ASGR2: variants seen among roughly 807,000 people sequenced by gnomAD.
The protein encoded by ASGR2 is asialoglycoprotein receptor 2.
Under a neutral mutation model 32.3 loss-of-function variants are expected in ASGR2, and 34 were observed. The observed-to-expected ratio is 1.05, with a 90% CI of 0.80 to 1.40. ASGR2 has a LOEUF of 1.40. ASGR2 is among the 40% of genes most tolerant of loss of function. The pLI is 0.00. For missense variants in ASGR2, 385 were observed against 386.4 expected, an observed-to-expected ratio of 1.00 and a Z score of 0.03; for synonymous variants, 143 against 150.0, an observed-to-expected ratio of 0.95 and a Z score of 0.34.
rs531273439 is a variant in ASGR2, at chr17:7,107,534, C to A, written c.410-217G>T. The A allele has an allele frequency of 3.9e-4, 251 of 639,924 alleles. No homozygotes were observed. The African/African-American group carries it at 4.0e-3, about 10-fold the overall frequency. 39.6% of individuals were successfully genotyped at this position (639,924 alleles called of 1,614,324 possible). A position where few individuals can be genotyped will look rare whatever the true frequency, so the allele number is the denominator to read the frequency against. ...ACACACAAACACACCAAGAGACACA[C>A]CACACACATCACATGCGTACACACA... On this transcript the variant is annotated intron_variant, in intron 5 of 8. Coordinates refer to ENST00000691900, the MANE Select transcript of ASGR2 (RefSeq NM_001201352.2). This position sits in a 1 kb window ranked among gnomAD's most constrained non-coding sequence, Gnocchi z 5.0.
chr17:7,103,218 A>G (rs1306296929), intron 7 of ASGR2, among the ~76,000 whole-genome samples: 1 of 152,206 alleles, frequency 6.6e-6, no homozygotes, highest in Non-Finnish European at 1.5e-5. Flanking sequence ...CTCTAGAAAA[A>G]CAACTAAGGT....
chr17:7,113,727 T>C lies in ASGR2; in HGVS notation c.124+390A>G, dbSNP rs796491904. Among the ~76,000 whole-genome samples, 2 of 145,376 alleles carry C rather than the reference T, an allele frequency of 1.4e-5. No homozygotes were observed. The highest frequency in any genetic ancestry group is 5.1e-5 in the African/African-American group (2 of 38,942). ...ACACACTCTCACACACAACATACCC[T>C]CTCACATACACGACATACACACACA... On this transcript the variant is annotated intron_variant, in intron 2 of 8. Transcript: ENST00000691900. The surrounding 1 kb of genome is among the most constrained non-coding windows in gnomAD (Gnocchi z 5.1).
rs1914092758 is a variant in ASGR2 at position 7,108,050 on chromosome 17, G to A, written c.338-143C>T. On this transcript the variant is annotated intron_variant, in intron 4 of 8. Transcript: ENST00000691900. This position sits in a 1 kb window ranked among gnomAD's most constrained non-coding sequence, Gnocchi z 4.9. ...GGACCACACCCAGGCTCCCTGCACT[G>A]CCACAGTGGCTCAGGCCACTCTCCT... is the stretch of plus-strand genomic sequence containing the variant. 4 of 830,482 alleles carry A rather than the reference G, an allele frequency of 4.8e-6. No individual in the cohort carries two copies. The highest frequency in any genetic ancestry group is 7.6e-6 in the Non-Finnish European group (4 of 528,240). The allele number at this position is 830,482 out of a possible 1,614,324, so 51.4% of individuals were successfully genotyped here. A position where few individuals can be genotyped will look rare whatever the true frequency, so the allele number is the denominator to read the frequency against.
rs1388425792 is a variant in ASGR2, at chr17:7,102,176, C to T, written c.669G>A (p.Thr223=). 5 of 1,614,004 alleles carry T rather than the reference C, an allele frequency of 3.1e-6. No individual in the cohort carries two copies. The African/African-American group carries it at 4.0e-5, about 13-fold the overall frequency. ...GACCTATCCAGGTATTGAAGGGGTTCGTGTGTTGTACAATGAATTTCTGGA... is the reference window on the plus strand; with the variant it reads ...GACCTATCCAGGTATTGAAGGGGTTTGTGTGTTGTACAATGAATTTCTGGA... ...WEEQKFIVQH[T]NPFNTWIGLT... The change falls in exon 8 of 9, where the codon ACG becomes ACA. Residue 223 remains threonine (T), a synonymous_variant. Transcript: ENST00000691900.
In ASGR2 at chr17:7,107,133, C is replaced by T. The variant is rs144935325; in HGVS notation, c.515G>A (p.Cys172Tyr). 3.1e-6 allele frequency: 5 copies of T among 1,614,184 alleles called. No individual in the cohort carries two copies. Among genetic ancestry groups the T allele is most frequent in the Non-Finnish European group, 4.2e-6 (5 of 1,180,024 alleles). The change falls in exon 7 of 9, where the codon TGC becomes TAC. Residue 172 changes from cysteine (C) to tyrosine (Y), a missense_variant. Physicochemically the swap from Cys to Tyr is radical, Grantham distance 194 (BLOSUM62 -2). Coordinates refer to ENST00000691900, the MANE Select transcript of ASGR2 (RefSeq NM_001201352.2). The surrounding 1 kb of genome is among the most constrained non-coding windows in gnomAD (Gnocchi z 5.0). The part of the protein sequence containing the change: ...LHSNGSQRTC[C>Y]PVNWVEHQGS... The stretch of plus-strand genomic sequence containing the variant: ...TTGGTGCTCCACCCAGTTGACGGGG[C>T]AGCAGGTCCTTTGGGAGCCTGAGGG...
At chr17:7,102,335 T>C in intron 7 of ASGR2, 139 bp from the exon 8 acceptor site, 1 of 716,542 alleles carries the variant, frequency 1.4e-6, no homozygotes, top group South Asian at 1.6e-5. Flanking sequence ...CCGACAAGAC[T>C]GCTTCCTAGC....
At chr17:7,111,637 C>A (rs186998029) in intron 2 of ASGR2, among the ~76,000 whole-genome samples, 77 of 140,680 alleles carry the variant, frequency 5.5e-4, no homozygotes, top group African/African-American at 2.0e-3. Context: ...GCCTGGGCAA[C>A]AGAGCGAGAC....
intron 2 of ASGR2, among the ~76,000 whole-genome samples, chr17:7,112,608 T>C (rs1406900308): frequency 6.6e-6 from 1 of 152,194 alleles, no homozygotes; most frequent in Non-Finnish European, 1.5e-5. Flanking sequence ...ACAGGGCCTC[T>C]GCCTGTGGGG....
chr17:7,106,115 A>G (rs2151712598), intron 7 of ASGR2, among the ~76,000 whole-genome samples: 1 of 152,282 alleles, frequency 6.6e-6, no homozygotes, highest in South Asian at 2.1e-4. Context: ...GGCGAGATCC[A>G]GGAGTCGATA....
chr17:7,113,305 CAT>C lies in ASGR2; in HGVS notation c.124+810_124+811del, dbSNP rs779773040. Among the ~76,000 whole-genome samples, 61,465 of 149,948 alleles carry C rather than the reference CAT, an allele frequency of 0.41. 12,801 individuals carry two copies. The highest frequency in any genetic ancestry group is 0.57 in the Middle Eastern group (165 of 290). On this transcript the variant is annotated intron_variant, in intron 2 of 8. Transcript: ENST00000691900. The surrounding 1 kb of genome is among the most constrained non-coding windows in gnomAD (Gnocchi z 5.1). The stretch of plus-strand genomic sequence containing the variant: ...ACCTCTACACACACACACACACACA[CAT>C]ACAATCACATACACACACTAACACA...
At chr17:7,103,054 G>A (rs1341642892) in intron 7 of ASGR2, among the ~76,000 whole-genome samples, 1 of 152,190 alleles carries the variant, frequency 6.6e-6, no homozygotes, top group African/African-American at 2.4e-5. Context: ...GGTTCGGTAG[G>A]GTAGGAGGGG....
Position 7,107,556 on chromosome 17 carries a change from CACACAT to C in ASGR2, c.410-245_410-240del. 1 of 616,936 alleles carries C rather than the reference CACACAT, an allele frequency of 1.6e-6. No individual in the cohort carries two copies. Among genetic ancestry groups the C allele is most frequent in the Non-Finnish European group, 2.9e-6 (1 of 350,406 alleles). The allele number at this position is 616,936 out of a possible 1,614,324, so 38.2% of individuals were successfully genotyped here. On this transcript the variant is annotated intron_variant, in intron 5 of 8. Coordinates refer to ENST00000691900, the MANE Select transcript of ASGR2 (RefSeq NM_001201352.2). This position sits in a 1 kb window ranked among gnomAD's most constrained non-coding sequence, Gnocchi z 5.0. ...ACACCACACACATCACATGCGTACA[CACACAT>C]ATACCATACCGCACACACACAGACT...
At chr17:7,110,294 C>G (rs988073365) in intron 2 of ASGR2, among the ~76,000 whole-genome samples, 1 of 151,786 alleles carries the variant, frequency 6.6e-6, no homozygotes, top group African/African-American at 2.4e-5. Flanking sequence ...CACCCTCCCT[C>G]TCACTGCCCC....
Position 7,108,386 on chromosome 17 carries a change from A to G in ASGR2, c.337+76T>C, listed in dbSNP as rs1314572861. 1 of 1,450,474 alleles carries G rather than the reference A, an allele frequency of 6.9e-7. No individual in the cohort carries two copies. The highest frequency in any genetic ancestry group is 9.4e-7 in the Non-Finnish European group (1 of 1,069,076). 89.9% of individuals were successfully genotyped at this position (1,450,474 alleles called of 1,614,324 possible). ...CCTGCACCCCCACGGCACCCCACACAGCCCTGTTGCAGACTCGGCACTGAG... is the reference window on the plus strand; with the variant it reads ...CCTGCACCCCCACGGCACCCCACACGGCCCTGTTGCAGACTCGGCACTGAG... On this transcript the variant is annotated intron_variant, in intron 4 of 8. Transcript: ENST00000691900. The surrounding 1 kb of genome is among the most constrained non-coding windows in gnomAD (Gnocchi z 4.9).
chr17:7,105,200 A>G lies in ASGR2; in HGVS notation c.648+1800T>C, dbSNP rs150842529. ...AAATAAACTACATAGTTTCCAAAAT[A>G]CCATAAAGAAGAAAACAAAAAGAAC... On this transcript the variant is annotated intron_variant, in intron 7 of 8. Transcript: ENST00000691900. Among the ~76,000 whole-genome samples the G allele has an allele frequency of 4.5e-3, 689 of 152,252 alleles. 2 individuals carry two copies. The highest frequency in any genetic ancestry group is 9.9e-3 in the South Asian group (48 of 4,826).
intron 7 of ASGR2, 35 bp downstream of exon 7, chr17:7,106,965 G>T (rs774547920): frequency 1.2e-6 from 2 of 1,612,070 alleles, no homozygotes; most frequent in Admixed American, 1.7e-5. Flanking sequence ...GGCCTTCCAA[G>T]GGCTTCCTCC....
At position 7,107,837 on chromosome 17, in the gene ASGR2, T is replaced by C. The variant is rs756004204; in HGVS notation, c.408A>G (p.Ala136=). The C allele has an allele frequency of 8.1e-6, 13 of 1,611,732 alleles. No homozygotes were observed. The African/African-American group carries it at 1.6e-4, about 20-fold the overall frequency. The change falls in exon 5 of 9, where the codon GCA becomes GCG. Residue 136 remains alanine, a splice_region_variant and synonymous_variant. Transcript: ENST00000691900. This position sits in a 1 kb window ranked among gnomAD's most constrained non-coding sequence, Gnocchi z 5.0. Reference sequence around the variant, plus strand: ...CACACACCCCGGAGGCTCTCTGACCTGCTTTCAGGTCCTGCTGCTGTTTCT... The same window carrying C: ...CACACACCCCGGAGGCTCTCTGACCCGCTTTCAGGTCCTGCTGCTGTTTCT... The part of the protein sequence containing the change: ...KLEKQQQDLK[A]DHDALLFHLK...
In ASGR2 at chr17:7,101,733, C is replaced by T. The variant is rs1415965097; in HGVS notation, c.763G>A (p.Ala255Thr). ...TGCCAATTATCTGGCTGAGTGACAGCCCAGTTCCTAAGGAGGCAAGAGAAA... is the reference window on the plus strand; with the variant it reads ...TGCCAATTATCTGGCTGAGTGACAGTCCAGTTCCTAAGGAGGCAAGAGAAA... ...TDYRHNYKNWAVTQPDNWHGH... is the reference protein window; with the variant it reads ...TDYRHNYKNWTVTQPDNWHGH... Residue 255 changes from alanine to threonine, a missense_variant, in exon 9 of 9, where the codon GCT becomes ACT. Ala to Thr is a moderately conservative substitution (Grantham distance 58). Transcript: ENST00000691900. The T allele has an allele frequency of 6.2e-6, 10 of 1,613,638 alleles. No individual in the cohort carries two copies. Among genetic ancestry groups the T allele is most frequent in the Non-Finnish European group, 7.6e-6 (9 of 1,179,754 alleles).
At chr17:7,111,350 A>G (rs1206462410) in intron 2 of ASGR2, among the ~76,000 whole-genome samples, 1 of 152,176 alleles carries the variant, frequency 6.6e-6, no homozygotes, top group Admixed American at 6.5e-5. Flanking sequence ...TAAAAACTAC[A>G]ATGTCTGAAA....
Sources: allele counts gnomAD v4.1 joint callset (sites outside exome capture counted in the v4.1 genomes callset), GRCh38; gene constraint gnomAD v4.1.1; non-coding constraint Gnocchi (gnomAD v3.1); transcripts MANE v1.5; gene names NCBI Gene and HGNC (gene_info 2026-07-23, HGNC 2026-07-21).